GALNT10: variants seen among roughly 807,000 people sequenced by gnomAD.
GALNT10 encodes polypeptide N-acetylgalactosaminyltransferase 10, also known as GalNAc transferase 10.
In GALNT10, 41 loss-of-function variants were observed where a neutral mutation model predicts 75.0. The ratio of observed to expected loss-of-function variants is 0.55; its 90% CI spans 0.43 to 0.71. GALNT10 has a LOEUF of 0.71. Among genes scored for constraint, GALNT10 ranks in the 30% least tolerant of loss-of-function variants. GALNT10 has a pLI of 0.00. For synonymous variants in GALNT10, 302 were observed against 313.0 expected, an observed-to-expected ratio of 0.96 and a Z score of 0.37; for missense variants, 727 against 818.5, an observed-to-expected ratio of 0.89 and a Z score of 1.36.
At chr5:154,239,401 T>G (rs1753297422) in intron 1 of GALNT10, among the ~76,000 whole-genome samples, 2 of 152,160 alleles carry the variant, frequency 1.3e-5, no homozygotes, top group Non-Finnish European at 2.9e-5. Context: ...AGGTGAGCGG[T>G]GGGGCGAGCA....
chr5:154,386,985 T>C lies in GALNT10; in HGVS notation c.1056+555T>C, dbSNP rs572612287. ...GGCAAGTTAGATCACCCCCCCGAGC[T>C]TTCTTTCCTCATCTGAAATAAGGGA... On this transcript the variant is annotated intron_variant, in intron 7 of 11. Coordinates refer to ENST00000297107, the MANE Select transcript of GALNT10 (RefSeq NM_198321.4). 30 of 158,936 alleles carry C rather than the reference T, an allele frequency of 1.9e-4. No homozygotes were observed. In the South Asian group the frequency reaches 5.6e-3, roughly 30 times the overall value. 9.8% of individuals were successfully genotyped at this position (158,936 alleles called of 1,614,324 possible).
rs1235243361 is a variant in GALNT10 at position 154,217,507 on chromosome 5, C to CTTTCACTCT, written c.159+26485_159+26493dup. Among the ~76,000 whole-genome samples the CTTTCACTCT allele has an allele frequency of 2.6e-5, 4 of 152,300 alleles. No individual in the cohort carries two copies. In the East Asian group the frequency reaches 7.7e-4, roughly 29 times the overall value. ...TCTCTGTGGGGCTGTTATCTGAGCT[C>CTTTCACTCT]TTTCACTCTTTAGTACCGCGTCCCT... On this transcript the variant is annotated intron_variant, in intron 1 of 11. Transcript: ENST00000297107.
At chr5:154,260,732 C>A (rs886244743) in intron 1 of GALNT10, among the ~76,000 whole-genome samples, 4 of 152,104 alleles carry the variant, frequency 2.6e-5, no homozygotes, top group Non-Finnish European at 5.9e-5. Flanking sequence ...TAACATGAAG[C>A]CTTTGTTGAC....
chr5:154,249,695 G>A (rs888197545), intron 1 of GALNT10, among the ~76,000 whole-genome samples: 9 of 152,074 alleles, frequency 5.9e-5, no homozygotes, highest in Non-Finnish European at 8.8e-5. Context: ...CCCAAGAGAG[G>A]CACAAACTCC....
chr5:154,318,027 T>A (rs956788690), intron 3 of GALNT10, among the ~76,000 whole-genome samples: 1 of 152,254 alleles, frequency 6.6e-6, no homozygotes, highest in African/African-American at 2.4e-5. Flanking sequence ...AAAGACTTTC[T>A]CTGATTTGCA....
chr5:154,231,544 A>AT (rs1581930356), intron 1 of GALNT10, among the ~76,000 whole-genome samples: 1 of 152,044 alleles, frequency 6.6e-6, no homozygotes, highest in Middle Eastern at 3.4e-3. Context: ...TTTTGATTTT[A>AT]TTTTTTACCA....
chr5:154,244,960 T>G (rs1186029776), intron 1 of GALNT10, among the ~76,000 whole-genome samples: 1 of 152,032 alleles, frequency 6.6e-6, no homozygotes, highest in African/African-American at 2.4e-5. Flanking sequence ...AGATAGAGAT[T>G]GGGGGTGCTG....
chr5:154,293,613 A>ATATATATATATTTTTTTTTTTTTT, intron 1 of GALNT10, among the ~76,000 whole-genome samples: 1 of 109,360 alleles, frequency 9.1e-6, no homozygotes, highest in African/African-American at 4.2e-5. Context: ...ATATATATAT[A>ATATATATATATTTTTTTTTTTTTT]TTTTTTTTTT....
intron 7 of GALNT10, among the ~76,000 whole-genome samples, chr5:154,396,852 C>A (rs1253335710): frequency 6.6e-6 from 1 of 152,036 alleles, no homozygotes; most frequent in East Asian, 1.9e-4. Flanking sequence ...CTAGGCTGGG[C>A]GCGGTGGCTC....
intron 4 of GALNT10, among the ~76,000 whole-genome samples, chr5:154,364,726 C>T (rs932215046): frequency 1.3e-5 from 2 of 152,016 alleles, no homozygotes; most frequent in East Asian, 3.9e-4. Flanking sequence ...TCATGGAAGC[C>T]GGCATCCTAA....
intron 4 of GALNT10, among the ~76,000 whole-genome samples, chr5:154,346,945 A>C (rs77260975): frequency 0.035 from 5,328 of 152,038 alleles, 132 homozygotes; most frequent in African/African-American, 0.066. Context: ...CAGAGCATCT[A>C]TCAACCTTGA....
chr5:154,325,428 C>G (rs192411970), intron 3 of GALNT10, among the ~76,000 whole-genome samples: 1 of 152,144 alleles, frequency 6.6e-6, no homozygotes, highest in Non-Finnish European at 1.5e-5. Flanking sequence ...CAACTATAGA[C>G]CAGCGTGCCT....
intron 3 of GALNT10, among the ~76,000 whole-genome samples, chr5:154,299,525 TAA>T (rs1209710557): frequency 6.6e-6 from 1 of 152,200 alleles, no homozygotes; most frequent in African/African-American, 2.4e-5. Flanking sequence ...CACTGAACCA[TAA>T]AAGTCTTTCC....
Position 154,404,210 on chromosome 5 carries a change from G to A in GALNT10, c.1163G>A (p.Arg388Gln), listed in dbSNP as rs1309622151. 19 of 1,580,174 alleles carry A rather than the reference G, an allele frequency of 1.2e-5. No individual in the cohort carries two copies. Among genetic ancestry groups the A allele is most frequent in the Admixed American group, 1.7e-5 (1 of 57,368 alleles). Reference protein sequence around the residue: ...YKVPAGVSLARNLKRVAEVWM... With the variant: ...YKVPAGVSLAQNLKRVAEVWM... ...GTCCCGGCCGGAGTCAGCCTGGCCCGGGTAAGGTGGTGGCTTTCCTTGGCG... is the reference window on the plus strand; with the variant it reads ...GTCCCGGCCGGAGTCAGCCTGGCCCAGGTAAGGTGGTGGCTTTCCTTGGCG... Residue 388 changes from arginine (R) to glutamine (Q), a missense_variant and splice_region_variant, in exon 8 of 12, where the codon CGG becomes CAG. Coordinates refer to ENST00000297107, the MANE Select transcript of GALNT10 (RefSeq NM_198321.4).
intron 1 of GALNT10, among the ~76,000 whole-genome samples, chr5:154,251,416 CCA>C (rs1581939318): frequency 6.6e-6 from 1 of 152,170 alleles, no homozygotes; most frequent in Non-Finnish European, 1.5e-5. Flanking sequence ...GTCAGATTTT[CCA>C]CAGTCTGGAT....
chr5:154,326,786 T>A (rs551970732), intron 3 of GALNT10, among the ~76,000 whole-genome samples: 1 of 152,232 alleles, frequency 6.6e-6, no homozygotes, highest in South Asian at 2.1e-4. Context: ...CAGGGTTTCT[T>A]TAGGAGTGAT....
chr5:154,389,757 CAATTA>C (rs1418745375), intron 7 of GALNT10, among the ~76,000 whole-genome samples: 2 of 151,784 alleles, frequency 1.3e-5, no homozygotes, highest in African/African-American at 4.8e-5. Flanking sequence ...AAAAATAATA[CAATTA>C]AAAGTATACA....
At chr5:154,370,840 G>A (rs1755552533) in intron 4 of GALNT10, among the ~76,000 whole-genome samples, 1 of 152,196 alleles carries the variant, frequency 6.6e-6, no homozygotes, top group African/African-American at 2.4e-5. Flanking sequence ...ACAGAGGGGC[G>A]AGCCCTAGCC....
intron 1 of GALNT10, among the ~76,000 whole-genome samples, chr5:154,249,569 C>T (rs551102256): frequency 1.3e-5 from 2 of 152,216 alleles, no homozygotes; most frequent in South Asian, 2.1e-4. Flanking sequence ...CAGCCCCCCC[C>T]AGTAACTTGT....
Sources: allele counts gnomAD v4.1 joint callset (sites outside exome capture counted in the v4.1 genomes callset), GRCh38; gene constraint gnomAD v4.1.1; transcripts MANE v1.5; gene names NCBI Gene and HGNC (gene_info 2026-07-23, HGNC 2026-07-21).